The following LRP1B variants were observed in gnomAD, a reference collection of about 807,000 sequenced individuals.
LRP1B encodes the protein low-density lipoprotein receptor-related protein 1B.
In LRP1B, 217 loss-of-function variants were observed where a neutral mutation model predicts 556.6. That is an observed-to-expected ratio of 0.39 (90% CI 0.35 to 0.44). The LOEUF is 0.44. LRP1B is among the 20% of genes least tolerant of loss of function. The probability of loss-of-function intolerance (pLI) is 1.00; values close to 1 mark genes in which losing one functional copy is unlikely to be tolerated. For synonymous variants in LRP1B, 2,047 were observed against 1,865.8 expected (o/e 1.10, Z -2.50); for missense variants, 5,053 against 5,620.8 (o/e 0.90, Z 3.23).
Position 141,749,751 on chromosome 2 carries a change from CA to C in LRP1B, c.205+60527del, listed in dbSNP as rs370797999. Among the ~76,000 whole-genome samples, 802 of 152,130 alleles carry C rather than the reference CA, an allele frequency of 5.3e-3. 7 individuals are homozygous for C. The highest frequency in any genetic ancestry group is 0.018 in the African/African-American group (745 of 41,516). On this transcript the variant is annotated intron_variant, in intron 2 of 90. Transcript: ENST00000389484. ...TATGAAGAGAGCTCTGGTCCATATA[CA>C]TATGTATGTAACAGGGAAATGGTTA... is the stretch of plus-strand genomic sequence containing the variant.
At chr2:140,765,607 A>G (rs1689075910) in intron 35 of LRP1B, among the ~76,000 whole-genome samples, 1 of 152,164 alleles carries the variant, frequency 6.6e-6, no homozygotes, top group Non-Finnish European at 1.5e-5. Flanking sequence ...AAATTCTTTG[A>G]ACATTTTAAA....
intron 1 of LRP1B, among the ~76,000 whole-genome samples, chr2:142,109,534 C>A (rs1433768938): frequency 1.3e-5 from 2 of 152,128 alleles, no homozygotes. Context: ...CTTCTGATAG[C>A]AGTTCTGTGT....
chr2:140,372,143 A>G (rs573067611), intron 69 of LRP1B, among the ~76,000 whole-genome samples: 1 of 152,064 alleles, frequency 6.6e-6, no homozygotes, highest in African/African-American at 2.4e-5. Context: ...TTACTTAATG[A>G]CTTTGTAGTC....
intron 2 of LRP1B, among the ~76,000 whole-genome samples, chr2:141,690,523 A>T (rs970617939): frequency 6.8e-6 from 1 of 147,674 alleles, no homozygotes. Context: ...AACCTGGTTC[A>T]TATAGAAGAT....
chr2:141,976,585 G>A (rs1445684078), intron 1 of LRP1B, among the ~76,000 whole-genome samples: 2 of 152,064 alleles, frequency 1.3e-5, no homozygotes, highest in African/African-American at 2.4e-5. Context: ...TCAATACAAA[G>A]AGCATATATT....
At chr2:141,643,221 G>A (rs1267442631) in intron 2 of LRP1B, among the ~76,000 whole-genome samples, 1 of 152,056 alleles carries the variant, frequency 6.6e-6, no homozygotes, top group African/African-American at 2.4e-5. Flanking sequence ...TAGAAGACTG[G>A]TCTTCTTTAA....
chr2:141,040,175 A>G (rs2105430202), intron 11 of LRP1B, among the ~76,000 whole-genome samples: 1 of 152,224 alleles, frequency 6.6e-6, no homozygotes, highest in South Asian at 2.1e-4. Context: ...TATATATCTT[A>G]GAGTCTTAAA....
intron 3 of LRP1B, among the ~76,000 whole-genome samples, chr2:141,375,304 C>T (rs1689387021): frequency 6.6e-6 from 1 of 152,118 alleles, no homozygotes; most frequent in South Asian, 2.1e-4. Flanking sequence ...GACCTCAGAG[C>T]AGCTTACACT....
chr2:141,024,731 A>C (rs1698169520), intron 11 of LRP1B, among the ~76,000 whole-genome samples: 1 of 152,006 alleles, frequency 6.6e-6, no homozygotes, highest in Middle Eastern at 3.2e-3. Flanking sequence ...CAGATATAAA[A>C]GATTTTATTA....
chr2:141,163,131 C>T (rs1214327450), intron 7 of LRP1B, among the ~76,000 whole-genome samples: 1 of 152,068 alleles, frequency 6.6e-6, no homozygotes, highest in Non-Finnish European at 1.5e-5. Flanking sequence ...TCTTCCTTTG[C>T]TCCTCTTCAT....
rs372192772 is a variant in LRP1B at position 140,982,212 on chromosome 2, C to A, written c.2835G>T (p.Leu945=). 1.2e-5 allele frequency: 20 copies of A among 1,613,482 alleles called. No individual in the cohort carries two copies. Among genetic ancestry groups the A allele is most frequent in the Middle Eastern group, 3.3e-4 (2 of 6,056 alleles). ...CACCACAGTCGTCTTCCCTGTCACA[C>A]AGCCATGCTCTGGGAATGCAACGCC... ...GNGRCIPRAW[L]CDREDDCGDQ... is the part of the protein sequence containing the mutation. The change falls in exon 18 of 91, where the codon CTG becomes CTT. Residue 945 remains leucine (L), a synonymous_variant. Transcript: ENST00000389484.
chr2:142,110,133 A>C (rs986262764), intron 1 of LRP1B, among the ~76,000 whole-genome samples: 6 of 152,142 alleles, frequency 3.9e-5, no homozygotes, highest in African/African-American at 1.4e-4. Flanking sequence ...AGCATTGAAC[A>C]TGTACTTGAT....
intron 2 of LRP1B, among the ~76,000 whole-genome samples, chr2:141,752,892 C>A (rs969401852): frequency 7.5e-6 from 1 of 133,876 alleles, no homozygotes; most frequent in South Asian, 2.5e-4. Flanking sequence ...TACAATGAGT[C>A]GTGATCATGC....
intron 3 of LRP1B, among the ~76,000 whole-genome samples, chr2:141,459,213 G>T (rs1681758948): frequency 6.6e-6 from 1 of 152,102 alleles, no homozygotes; most frequent in Admixed American, 6.6e-5. Flanking sequence ...TTCAACTTAG[G>T]CTATAGAGGT....
chr2:142,104,901 T>G (rs1215251809), intron 1 of LRP1B, among the ~76,000 whole-genome samples: 1 of 152,198 alleles, frequency 6.6e-6, no homozygotes, highest in Non-Finnish European at 1.5e-5. Flanking sequence ...GTTGTGAAGA[T>G]CTTTGGTTAC....
rs949606087 is a variant in LRP1B, at chr2:142,125,629, G to A, written c.82+5019C>T. On this transcript the variant is annotated intron_variant, in intron 1 of 90. Coordinates refer to ENST00000389484, the MANE Select transcript of LRP1B (RefSeq NM_018557.3). The stretch of plus-strand genomic sequence containing the variant: ...CTCCATCCAAAATAAAATAACTGGA[G>A]AATGTTCCCAAGGCCTATAGACTAT... Among the ~76,000 whole-genome samples, 5 of 151,776 alleles carry A rather than the reference G, an allele frequency of 3.3e-5. 1 individual carries two copies. The highest frequency in any genetic ancestry group is 5.9e-5 in the Non-Finnish European group (4 of 67,718).
intron 41 of LRP1B, among the ~76,000 whole-genome samples, chr2:140,640,555 C>G (rs1003611687): frequency 6.7e-6 from 1 of 150,272 alleles, no homozygotes; most frequent in African/African-American, 2.4e-5. Flanking sequence ...GCCACCATGC[C>G]CGGCTAATTT....
At chr2:141,524,273 T>C (rs928651841) in intron 2 of LRP1B, among the ~76,000 whole-genome samples, 1 of 151,166 alleles carries the variant, frequency 6.6e-6, no homozygotes, top group Non-Finnish European at 1.5e-5. Context: ...AATATATATA[T>C]ATATATAAAA....
intron 6 of LRP1B, among the ~76,000 whole-genome samples, chr2:141,195,762 C>T (rs1681724117): frequency 6.6e-6 from 1 of 152,082 alleles, no homozygotes; most frequent in South Asian, 2.1e-4. Context: ...TCATTCTGTG[C>T]ATTGGGACAC....
Sources: gnomAD v4.1 joint callset for allele counts (sites outside exome capture counted in the v4.1 genomes callset) on GRCh38, gnomAD v4.1.1 for gene constraint, MANE v1.5 for transcripts, NCBI Gene and HGNC (gene_info 2026-07-23, HGNC 2026-07-21) for gene names.